CERS1: variants seen among roughly 807,000 people sequenced by gnomAD.
The protein encoded by CERS1 is Embryonic growth/differentiation factor 1.
In CERS1, 16 loss-of-function variants were observed where a neutral mutation model predicts 35.7. That is an observed-to-expected ratio of 0.45 (90% CI 0.30 to 0.68). CERS1 has a LOEUF of 0.68. Among genes scored for constraint, CERS1 ranks in the 30% least tolerant of loss-of-function variants. The probability of loss-of-function intolerance (pLI) is 0.08; values close to 1 mark genes in which losing one functional copy is unlikely to be tolerated. For synonymous variants in CERS1, 243 were observed against 201.6 expected (o/e 1.21, Z -1.74); for missense variants, 454 against 453.9 (o/e 1.00, Z 0.00).
Position 18,869,221 on chromosome 19 carries a change from C to T in CERS1, c.*764G>A, listed in dbSNP as rs779370447. The stretch of plus-strand genomic sequence containing the variant: ...CGCCCTGGCCCGCTTGCGCCACGCT[C>T]AGCTCCCAGCCGCCCTCCGGGGCTG... On this transcript the variant is annotated 3_prime_UTR_variant, in exon 8 of 8. Transcript: ENST00000623882. 9 of 1,355,188 alleles carry T rather than the reference C, an allele frequency of 6.6e-6. No individual in the cohort carries two copies. In the South Asian group the frequency reaches 1.4e-4, roughly 21 times the overall value. The allele number at this position is 1,355,188 out of a possible 1,614,324, so 83.9% of individuals were successfully genotyped here. A position where few individuals can be genotyped will look rare whatever the true frequency, so the allele number is the denominator to read the frequency against.
Position 18,878,233 on chromosome 19 carries a change from GAC to G in CERS1, c.1010+695_1010+696del. 1 of 985,584 alleles carries G rather than the reference GAC, an allele frequency of 1.0e-6. No individual in the cohort carries two copies. The highest frequency in any genetic ancestry group is 1.2e-6 in the Non-Finnish European group (1 of 830,166). The allele number at this position is 985,584 out of a possible 1,614,324, so 61.1% of individuals were successfully genotyped here. A position where few individuals can be genotyped will look rare whatever the true frequency, so the allele number is the denominator to read the frequency against. On this transcript the variant is annotated intron_variant, in intron 6 of 7. Transcript: ENST00000623882. This position sits in a 1 kb window ranked among gnomAD's most constrained non-coding sequence, Gnocchi z 4.6. Reference sequence around the variant, plus strand: ...CAAACACTCCTCACGTTGCCTATGAGACACTGCACACCCGACTCTGCTTGTTA... The same window carrying G: ...CAAACACTCCTCACGTTGCCTATGAGACTGCACACCCGACTCTGCTTGTTA...
chr19:18,873,547 A>G (rs1423607386), intron 6 of CERS1, among the ~76,000 whole-genome samples: 2 of 151,984 alleles, frequency 1.3e-5, no homozygotes, highest in African/African-American at 4.8e-5. Flanking sequence ...AATTTTAAAA[A>G]TTAGCCGGGG....
At chr19:18,881,468 C>T (rs1294492293) in intron 3 of CERS1, among the ~76,000 whole-genome samples, 1 of 152,094 alleles carries the variant, frequency 6.6e-6, no homozygotes, top group Non-Finnish European at 1.5e-5. Context: ...GACCCACCCG[C>T]CTTGGCCTCC....
rs778442978 is a variant in CERS1, at chr19:18,869,355, C to T, written c.*630G>A. The T allele has an allele frequency of 2.0e-6, 3 of 1,531,998 alleles. No individual in the cohort carries two copies. The highest frequency in any genetic ancestry group is 2.4e-5 in the South Asian group (2 of 83,962). The allele number at this position is 1,531,998 out of a possible 1,614,324, so 94.9% of individuals were successfully genotyped here. On this transcript the variant is annotated 3_prime_UTR_variant, in exon 8 of 8. Coordinates refer to ENST00000623882, the MANE Select transcript of CERS1 (RefSeq NM_021267.5). ...ACTGTCCACTCAGGGCAATGCCCCGCGGCCGAGGCAGGCTCCGAGGCCCGG... is the reference window on the plus strand; with the variant it reads ...ACTGTCCACTCAGGGCAATGCCCCGTGGCCGAGGCAGGCTCCGAGGCCCGG...
intron 2 of CERS1, among the ~76,000 whole-genome samples, chr19:18,887,039 G>A (rs1380888896): frequency 3.3e-5 from 5 of 152,228 alleles, no homozygotes; most frequent in Admixed American, 3.3e-4. Context: ...GGAAAACGGG[G>A]ACTCAAAGAG....
At chr19:18,892,283 A>G (rs2056509410) in intron 2 of CERS1, among the ~76,000 whole-genome samples, 2 of 152,054 alleles carry the variant, frequency 1.3e-5, no homozygotes, top group South Asian at 4.1e-4. Context: ...GCATTTTGTC[A>G]TCCACAAAAC....
In CERS1 at chr19:18,879,043, C is replaced by T. The variant is rs755673028; in HGVS notation, c.901-4G>A. 7.4e-6 allele frequency: 12 copies of T among 1,612,948 alleles called. No individual in the cohort carries two copies. Among genetic ancestry groups the T allele is most frequent in the African/African-American group, 2.7e-5 (2 of 74,900 alleles). ...TGGCTGCAAACGCCACGATGTACTG[C>T]GAGAGGGGAGGGGAGGTGCCAGTGA... On this transcript the variant is annotated splice_polypyrimidine_tract_variant and splice_region_variant and intron_variant, in intron 5 of 7. Coordinates refer to ENST00000623882, the MANE Select transcript of CERS1 (RefSeq NM_021267.5).
At position 18,878,918 on chromosome 19, in the gene CERS1, C is replaced by G. The variant is rs763379257; in HGVS notation, c.1010+12G>C. The G allele has an allele frequency of 6.2e-7, 1 of 1,613,208 alleles. No individual in the cohort carries two copies. The highest frequency in any genetic ancestry group is 8.5e-7 in the Non-Finnish European group (1 of 1,179,734). ...AGGAGGGAACGCGGGGTGCGGGCCCCTCCACACTCACTCGGCTTTGCTGGG... is the reference window on the plus strand; with the variant it reads ...AGGAGGGAACGCGGGGTGCGGGCCCGTCCACACTCACTCGGCTTTGCTGGG... On this transcript the variant is annotated intron_variant, in intron 6 of 7. Coordinates refer to ENST00000623882, the MANE Select transcript of CERS1 (RefSeq NM_021267.5). The surrounding 1 kb of genome is among the most constrained non-coding windows in gnomAD (Gnocchi z 4.6).
chr19:18,894,060 T>G (rs1601193866), intron 1 of CERS1, among the ~76,000 whole-genome samples: 1 of 90,874 alleles, frequency 1.1e-5, no homozygotes. Context: ...GCTAGAGGGC[T>G]GGGAGAGACT....
At chr19:18,882,714 ACGGAGT>A (rs749220989) in intron 3 of CERS1, among the ~76,000 whole-genome samples, 208 of 150,010 alleles carry the variant, frequency 1.4e-3, no homozygotes, top group Non-Finnish European at 2.2e-3. Context: ...TATTTTTGAG[ACGGAGT>A]CTCGCTCTGT....
chr19:18,889,381 G>C (rs542275008), intron 2 of CERS1, among the ~76,000 whole-genome samples: 21 of 152,084 alleles, frequency 1.4e-4, no homozygotes, highest in Non-Finnish European at 2.2e-4. Context: ...CACAGGATAG[G>C]GGGGAAGTCC....
At chr19:18,889,127 A>G (rs1160548594) in intron 2 of CERS1, among the ~76,000 whole-genome samples, 1 of 151,970 alleles carries the variant, frequency 6.6e-6, no homozygotes, top group African/African-American at 2.4e-5. Flanking sequence ...CCCGGCCTCA[A>G]GTGATCCGCC....
At chr19:18,875,495 A>G (rs2056044553) in intron 6 of CERS1, among the ~76,000 whole-genome samples, 1 of 151,494 alleles carries the variant, frequency 6.6e-6, no homozygotes, top group Admixed American at 6.6e-5. Context: ...GTGAGCTGAG[A>G]TCACACCACT....
chr19:18,875,244 A>G (rs1027807387), intron 6 of CERS1, among the ~76,000 whole-genome samples: 15 of 151,626 alleles, frequency 9.9e-5, no homozygotes, highest in Admixed American at 7.9e-4. Flanking sequence ...TAAAAAAAAA[A>G]AAAAAGAAAG....
intron 4 of CERS1, 128 bp from the exon 5 acceptor site, chr19:18,879,516 TCTA>T (rs2056142176): frequency 8.8e-7 from 1 of 1,131,510 alleles, no homozygotes; most frequent in Non-Finnish European, 1.2e-6. Flanking sequence ...CCCACCTGTT[TCTA>T]CTACTGCTCT....
chr19:18,884,417 ATTT>A (rs11297387), intron 2 of CERS1, 150 bp from the exon 3 acceptor site: 324 of 561,408 alleles, frequency 5.8e-4, no homozygotes, highest in South Asian at 9.4e-4. Flanking sequence ...TCCCAATTCT[ATTT>A]TTTTTTTTTT....
chr19:18,886,862 T>C (rs1446426478), intron 2 of CERS1, among the ~76,000 whole-genome samples: 1 of 152,192 alleles, frequency 6.6e-6, no homozygotes, highest in African/African-American at 2.4e-5. Context: ...CTTTGGCCCA[T>C]GCCACCCCCA....
rs1006663748 is a variant in CERS1, at chr19:18,883,806, G to C, written c.590+281C>G. On this transcript the variant is annotated intron_variant, in intron 3 of 7. Coordinates refer to ENST00000623882, the MANE Select transcript of CERS1 (RefSeq NM_021267.5). Reference sequence around the variant, plus strand: ...GGTCAAGGGCAGCGTCTGAAGAGCTGGGTGGGTGAGTGGGGTGGGGTGGCT... The same window carrying C: ...GGTCAAGGGCAGCGTCTGAAGAGCTCGGTGGGTGAGTGGGGTGGGGTGGCT... Among the ~76,000 whole-genome samples the C allele has an allele frequency of 3.9e-5, 6 of 152,326 alleles. No individual in the cohort carries two copies. In the South Asian group the frequency reaches 1.2e-3, roughly 32 times the overall value.
chr19:18,896,901 T>G (rs2056633605), upstream of CERS1, among the ~76,000 whole-genome samples: 1 of 137,688 alleles, frequency 7.3e-6, no homozygotes, highest in Non-Finnish European at 1.6e-5. This position sits in a 1 kb window ranked among gnomAD's most constrained non-coding sequence, Gnocchi z 5.9. Flanking sequence ...GAGGGTCACT[T>G]GCTGCTGTGA....
Sources: gnomAD v4.1 joint callset for allele counts (sites outside exome capture counted in the v4.1 genomes callset) on GRCh38, gnomAD v4.1.1 for gene constraint, Gnocchi (gnomAD v3.1) non-coding constraint, MANE v1.5 for transcripts, NCBI Gene and HGNC (gene_info 2026-07-23, HGNC 2026-07-21) for gene names.